NOX5: variants seen among roughly 807,000 people sequenced by gnomAD.
The protein encoded by NOX5 is NADPH oxidase 5, also known as NADPH oxidase, EF-hand calcium binding domain 5.
In NOX5, 76 loss-of-function variants were observed where a neutral mutation model predicts 85.7. That is an observed-to-expected ratio of 0.89 (90% CI 0.74 to 1.07). The LOEUF (loss-of-function observed/expected upper bound fraction) is 1.07. Ranked by LOEUF, NOX5 falls within the 50% of genes least tolerant of loss-of-function variation. The pLI is 0.00. For missense variants in NOX5, 973 were observed against 999.5 expected (o/e 0.97, Z 0.36); for synonymous variants, 405 against 401.4 (o/e 1.01, Z -0.11).
chr15:69,031,466 C>T, intron 3 of NOX5, 52 bp from the exon 4 acceptor site: 6 of 1,557,564 alleles, frequency 3.9e-6, no homozygotes, highest in East Asian at 2.3e-5. Flanking sequence ...GGAAAGCTGA[C>T]TGGCAGAAAG....
At chr15:69,015,125 C>A (rs1049369228) in intron 1 of NOX5, among the ~76,000 whole-genome samples, 1 of 152,210 alleles carries the variant, frequency 6.6e-6, no homozygotes, top group Non-Finnish European at 1.5e-5. Flanking sequence ...GCTGGTCATT[C>A]AGCTGGTGCA....
At chr15:69,026,414 C>A (rs2050358647) in intron 1 of NOX5, 114 bp from the exon 2 acceptor site, 2 of 1,344,524 alleles carry the variant, frequency 1.5e-6, no homozygotes, top group Non-Finnish European at 2.1e-6. Flanking sequence ...CCCGATTCAA[C>A]TCAGGGAGGC....
In NOX5 at chr15:69,058,470, G is replaced by A. The variant is rs1179774497; in HGVS notation, c.*1774G>A. 3 of 152,718 alleles carry A rather than the reference G, an allele frequency of 2.0e-5. No homozygotes were observed. Among genetic ancestry groups the A allele is most frequent in the East Asian group, 3.9e-4 (2 of 5,190 alleles). 9.5% of individuals were successfully genotyped at this position (152,718 alleles called of 1,614,324 possible). A position where few individuals can be genotyped will look rare whatever the true frequency, so the allele number is the denominator to read the frequency against. On this transcript the variant is annotated 3_prime_UTR_variant, in exon 16 of 16. Transcript: ENST00000388866. ...CTGAGGACTGGGACAGAGCAGGATG[G>A]GAGTGAGGATGTCATCTTTAAGATG...
chr15:69,042,157 A>G (rs1432431502), intron 9 of NOX5, among the ~76,000 whole-genome samples: 1 of 151,960 alleles, frequency 6.6e-6, no homozygotes, highest in African/African-American at 2.4e-5. Context: ...TCTATTTGGT[A>G]CCACTCAGCA....
At chr15:69,047,574 C>T (rs1410547360) in intron 12 of NOX5, 37 bp downstream of exon 12, 2 of 1,598,256 alleles carry the variant, frequency 1.3e-6, no homozygotes, top group East Asian at 2.2e-5. Context: ...CATCCTGGGT[C>T]AGAGCCCCAA....
intron 1 of NOX5, 41 bp downstream of exon 1, chr15:69,014,826 G>A (rs969354559): frequency 2.9e-6 from 4 of 1,383,134 alleles, no homozygotes; most frequent in Non-Finnish European, 4.0e-6. Flanking sequence ...CCAGGGACAA[G>A]GGAAAGGTGG....
intron 9 of NOX5, among the ~76,000 whole-genome samples, chr15:69,042,068 TAA>T (rs34833384): frequency 2.0e-4 from 28 of 141,766 alleles, no homozygotes; most frequent in Admixed American, 3.5e-4. Context: ...ATCCCTGGTT[TAA>T]AAAAAAAAAA....
chr15:69,046,466 C>T (rs1293925821), intron 10 of NOX5, among the ~76,000 whole-genome samples: 1 of 152,190 alleles, frequency 6.6e-6, no homozygotes, highest in Non-Finnish European at 1.5e-5. Flanking sequence ...GCTCTCCAGT[C>T]ACACCCTGAA....
chr15:69,038,234 G>A (rs1464079105), intron 8 of NOX5: 2 of 156,170 alleles, frequency 1.3e-5, no homozygotes, highest in East Asian at 1.9e-4. Context: ...AGAGGACCTG[G>A]GAGGCTGAAG....
At chr15:69,029,680 G>GC (rs1272591777) in intron 3 of NOX5, 62 of 148,444 alleles carry the variant, frequency 4.2e-4, no homozygotes, top group African/African-American at 1.4e-3. Flanking sequence ...GTAATTTTCT[G>GC]CTTTTTTTTT....
intron 1 of NOX5, chr15:69,022,236 TC>T: frequency 5.0e-6 from 1 of 201,498 alleles, no homozygotes. Context: ...CCAGATGTCT[TC>T]CAATAATGTC....
At chr15:69,039,548 T>C (rs1411952428) in intron 9 of NOX5, among the ~76,000 whole-genome samples, 2 of 152,098 alleles carry the variant, frequency 1.3e-5, no homozygotes, top group Non-Finnish European at 2.9e-5. Flanking sequence ...GAGCAGCCAA[T>C]TGGGAGCCAG....
chr15:69,042,772 T>C lies in NOX5; in HGVS notation c.1614T>C (p.Ser538=), dbSNP rs1160221535. Residue 538 remains serine, a synonymous_variant, in exon 10 of 16, where the codon AGT becomes AGC. Coordinates refer to ENST00000388866, the MANE Select transcript of NOX5 (RefSeq NM_024505.4). The part of the protein sequence containing the change: ...LGRGSKRLSR[S]VTMRKSQRSS... ...GTGGTTCTAAGAGGCTGTCGAGGAG[T>C]GTGACAATGAGAAAGAGTCAAAGGT... 3.7e-6 allele frequency: 6 copies of C among 1,613,670 alleles called. No homozygotes were observed. Among genetic ancestry groups the C allele is most frequent in the Non-Finnish European group, 5.1e-6 (6 of 1,179,914 alleles).
chr15:69,043,292 C>T (rs2050619357), intron 10 of NOX5, among the ~76,000 whole-genome samples: 1 of 152,150 alleles, frequency 6.6e-6, no homozygotes, highest in South Asian at 2.1e-4. Context: ...ATGTTATTCT[C>T]TTTTGAGCCT....
At chr15:69,051,386 T>C (rs920580696) in intron 14 of NOX5, among the ~76,000 whole-genome samples, 1 of 152,068 alleles carries the variant, frequency 6.6e-6, no homozygotes, top group East Asian at 1.9e-4. Flanking sequence ...TACGGCAATG[T>C]AAATTTTTCT....
chr15:69,026,773 C>T (rs990031267), intron 2 of NOX5, 122 bp downstream of exon 2: 62 of 1,331,760 alleles, frequency 4.7e-5, no homozygotes, highest in Middle Eastern at 2.3e-4. Context: ...CACCTTGTAG[C>T]GGGCTGGCGG....
chr15:69,047,736 A>G, intron 12 of NOX5, 94 bp from the exon 13 acceptor site: 1 of 1,414,692 alleles, frequency 7.1e-7, no homozygotes, highest in Non-Finnish European at 9.8e-7. Context: ...GGGCTCTGCC[A>G]CCCCATCCTT....
chr15:69,042,350 C>A (rs2050605994), intron 9 of NOX5, among the ~76,000 whole-genome samples: 3 of 152,172 alleles, frequency 2.0e-5, no homozygotes. Flanking sequence ...GAGTCCTTGG[C>A]CTGATGAAGG....
At chr15:69,036,985 G>C (rs780677797) in intron 7 of NOX5, 43 bp from the exon 8 acceptor site, 2 of 1,536,172 alleles carry the variant, frequency 1.3e-6, no homozygotes, top group East Asian at 2.2e-5. Context: ...CCACCCCCCA[G>C]GCCTTGAGCT....
Sources: allele counts gnomAD v4.1 joint callset (sites outside exome capture counted in the v4.1 genomes callset), GRCh38; gene constraint gnomAD v4.1.1; transcripts MANE v1.5; gene names NCBI Gene and HGNC (gene_info 2026-07-23, HGNC 2026-07-21).